The following MTA3 variants were observed in gnomAD, a reference collection of about 807,000 sequenced individuals.
The protein encoded by MTA3 is metastasis-associated protein MTA3.
In MTA3, 34 loss-of-function variants were observed where a neutral mutation model predicts 83.5. That is an observed-to-expected ratio of 0.41 (90% CI 0.31 to 0.54). MTA3 has a LOEUF of 0.54. Among genes scored for constraint, MTA3 ranks in the 20% least tolerant of loss-of-function variants. The pLI, the probability that MTA3 is intolerant of heterozygous loss-of-function variation, is 0.33. For synonymous variants in MTA3, 303 were observed against 252.7 expected, an observed-to-expected ratio of 1.20 and a Z score of -1.89; for missense variants, 761 against 726.4, an observed-to-expected ratio of 1.05 and a Z score of -0.55.
intron 4 of MTA3, among the ~76,000 whole-genome samples, chr2:42,625,315 A>T (rs1685967678): frequency 6.6e-6 from 1 of 151,480 alleles, no homozygotes; most frequent in South Asian, 2.1e-4. Flanking sequence ...TACAGGCGTG[A>T]GCCACCGTGC....
chr2:42,743,615 A>G (rs1422998703), intron 16 of MTA3, among the ~76,000 whole-genome samples: 2 of 152,212 alleles, frequency 1.3e-5, no homozygotes, highest in African/African-American at 4.8e-5. Flanking sequence ...GCATTGAGTA[A>G]TACAATTTTT....
intron 2 of MTA3, among the ~76,000 whole-genome samples, chr2:42,545,687 G>A (rs1676729772): frequency 6.6e-6 from 1 of 152,146 alleles, no homozygotes; most frequent in South Asian, 2.1e-4. Context: ...TTTTCAAGAG[G>A]GTTTAAAGTT....
intron 8 of MTA3, among the ~76,000 whole-genome samples, chr2:42,672,643 T>C (rs1452705756): frequency 5.6e-5 from 2 of 35,766 alleles, no homozygotes; most frequent in African/African-American, 3.5e-4. Context: ...AGATTCCATC[T>C]CCAAAAAAAA....
chr2:42,699,047 C>T (rs757717466), intron 11 of MTA3, among the ~76,000 whole-genome samples: 7 of 152,228 alleles, frequency 4.6e-5, no homozygotes, highest in Non-Finnish European at 8.8e-5. Context: ...TGAAATAATA[C>T]ATTTGGCTAG....
At chr2:42,532,880 C>T (rs1347310259) in intron 2 of MTA3, 6 of 339,888 alleles carry the variant, frequency 1.8e-5, no homozygotes, top group Middle Eastern at 1.1e-3. Context: ...AGGCACCTTT[C>T]TCTTTGGCTT....
chr2:42,734,470 C>CTTTTTTTT (rs3040123), intron 16 of MTA3, among the ~76,000 whole-genome samples: 1 of 82,466 alleles, frequency 1.2e-5, no homozygotes, highest in African/African-American at 5.4e-5. Context: ...ATCACGGGGC[C>CTTTTTTTT]TTTTTTTTTT....
At chr2:42,522,275 T>A (rs777662511) in intron 2 of MTA3, among the ~76,000 whole-genome samples, 13 of 152,306 alleles carry the variant, frequency 8.5e-5, no homozygotes, top group South Asian at 8.3e-4. Flanking sequence ...TGCTGTAGAA[T>A]GTGAGCTATC....
chr2:42,564,889 G>C (rs936174143), upstream of MTA3, among the ~76,000 whole-genome samples: 1 of 152,100 alleles, frequency 6.6e-6, no homozygotes, highest in Non-Finnish European at 1.5e-5. Flanking sequence ...CGATTCTTCT[G>C]CCTCAGCCTC....
intron 2 of MTA3, among the ~76,000 whole-genome samples, chr2:42,508,201 T>A (rs1285682081): frequency 1.3e-5 from 2 of 152,158 alleles, no homozygotes; most frequent in Non-Finnish European, 2.9e-5. Flanking sequence ...GAGAGAAATC[T>A]TTCCCCAGCC....
At chr2:42,680,442 A>G (rs1273225863) in intron 8 of MTA3, among the ~76,000 whole-genome samples, 1 of 152,178 alleles carries the variant, frequency 6.6e-6, no homozygotes, top group Non-Finnish European at 1.5e-5. Flanking sequence ...CCATTTGTGA[A>G]ATTTTTAATA....
chr2:42,656,128 C>T (rs1160837709), intron 6 of MTA3, 72 bp from the exon 7 acceptor site: 12 of 1,106,760 alleles, frequency 1.1e-5, no homozygotes, highest in East Asian at 9.5e-5. Flanking sequence ...GCTATGGTGA[C>T]AGTTGTCATC....
chr2:42,585,964 A>G (rs917270284), intron 3 of MTA3, among the ~76,000 whole-genome samples: 6 of 152,122 alleles, frequency 3.9e-5, no homozygotes, highest in African/African-American at 1.4e-4. Flanking sequence ...ATTATAAACA[A>G]GATGAATAAC....
At chr2:42,712,245 C>G (rs7607444) in intron 14 of MTA3, among the ~76,000 whole-genome samples, 4 of 151,952 alleles carry the variant, frequency 2.6e-5, no homozygotes, top group Non-Finnish European at 5.9e-5. Context: ...GTAAGGGAAC[C>G]TGGGAGGGTG....
At chr2:42,734,990 G>A (rs1261818436) in intron 16 of MTA3, among the ~76,000 whole-genome samples, 3 of 152,190 alleles carry the variant, frequency 2.0e-5, no homozygotes, top group Non-Finnish European at 4.4e-5. Flanking sequence ...CAAGATATGA[G>A]TAGTTTACAG....
intron 12 of MTA3, among the ~76,000 whole-genome samples, chr2:42,707,068 A>G (rs2104503484): frequency 6.7e-6 from 1 of 148,838 alleles, no homozygotes; most frequent in Non-Finnish European, 1.5e-5. Flanking sequence ...AGGCTCAAGC[A>G]GTCCTGCTGC....
intron 2 of MTA3, among the ~76,000 whole-genome samples, chr2:42,512,673 G>T (rs1428490972): frequency 2.0e-5 from 3 of 152,128 alleles, no homozygotes; most frequent in African/African-American, 7.2e-5. Context: ...ATGATGCCAA[G>T]AAGACATTTT....
chr2:42,743,262 A>G (rs1160848449), intron 16 of MTA3, among the ~76,000 whole-genome samples: 2 of 152,214 alleles, frequency 1.3e-5, no homozygotes, highest in African/African-American at 4.8e-5. Flanking sequence ...TTCCATTCCA[A>G]TGAGCAGGGA....
chr2:42,619,205 T>C (rs1320995424), intron 4 of MTA3, among the ~76,000 whole-genome samples: 1 of 152,184 alleles, frequency 6.6e-6, no homozygotes, highest in African/African-American at 2.4e-5. Flanking sequence ...ATAAGTTTGA[T>C]ACAGATAAAG....
chr2:42,733,848 C>G (rs1668411266), intron 16 of MTA3, among the ~76,000 whole-genome samples: 1 of 151,990 alleles, frequency 6.6e-6, no homozygotes, highest in African/African-American at 2.4e-5. Flanking sequence ...TTCCAATATT[C>G]CTGTTGTTAT....
Sources: gnomAD v4.1 joint callset for allele counts (sites outside exome capture counted in the v4.1 genomes callset) on GRCh38, gnomAD v4.1.1 for gene constraint, MANE v1.5 for transcripts, NCBI Gene and HGNC (gene_info 2026-07-23, HGNC 2026-07-21) for gene names.